The following C10orf67 variants were observed in gnomAD, a reference collection of about 807,000 sequenced individuals.
C10orf67 encodes chromosome 10 open reading frame 67, also known as uncharacterized protein C10orf67, mitochondrial.
A neutral mutation model predicts 35.6 loss-of-function variants in C10orf67; 60 were observed. That is an observed-to-expected ratio of 1.68 (90% CI 1.37 to 2.09). The LOEUF (loss-of-function observed/expected upper bound fraction) is 2.09, where lower values mean the gene tolerates loss of function less well. Ranked by LOEUF, C10orf67 falls within the 30% of genes most tolerant of loss-of-function variation. The pLI is 0.00. For missense variants in C10orf67, 474 were observed against 330.2 expected, an observed-to-expected ratio of 1.44 and a Z score of -3.38; for synonymous variants, 167 against 115.8, an observed-to-expected ratio of 1.44 and a Z score of -2.84.
intron 12 of C10orf67, among the ~76,000 whole-genome samples, chr10:23,244,392 T>C (rs1400949632): frequency 2.6e-5 from 4 of 152,134 alleles, no homozygotes; most frequent in Non-Finnish European, 1.5e-5. Flanking sequence ...GGCTTCCTTC[T>C]TGAAATCTAG....
rs1180823094 is a variant in C10orf67, at chr10:23,267,271, C to A, written c.976-17G>T. 3 of 700,830 alleles carry A rather than the reference C, an allele frequency of 4.3e-6. No individual in the cohort carries two copies. The highest frequency in any genetic ancestry group is 2.2e-5 in the Admixed American group (1 of 45,778). 43.4% of individuals were successfully genotyped at this position (700,830 alleles called of 1,614,324 possible). On this transcript the variant is annotated splice_polypyrimidine_tract_variant and intron_variant, in intron 8 of 15. Coordinates refer to ENST00000636213, the MANE Select transcript of C10orf67 (RefSeq NM_001371909.1). Reference sequence around the variant, plus strand: ...TTTATTAATCTGTAAAATTGAAGACCCATATCATTGGTTATTATCTGCAAA... The same window carrying A: ...TTTATTAATCTGTAAAATTGAAGACACATATCATTGGTTATTATCTGCAAA...
chr10:23,207,094 T>C lies in C10orf67; in HGVS notation c.1571-2839A>G, dbSNP rs1051301530. Reference sequence around the variant, plus strand: ...ACCAATTACAGCTCACACTGCCCAGTTTACGAGAAAATGCAAAGGAGCTTG... The same window carrying C: ...ACCAATTACAGCTCACACTGCCCAGCTTACGAGAAAATGCAAAGGAGCTTG... On this transcript the variant is annotated intron_variant, in intron 15 of 15. Transcript: ENST00000636213. 2.6e-5 allele frequency among the ~76,000 whole-genome samples: 4 copies of C among 151,930 alleles called. No homozygotes were observed. In the South Asian group the frequency reaches 8.3e-4, roughly 32 times the overall value.
Position 23,303,458 on chromosome 10 carries a change from T to C in C10orf67, c.548A>G (p.Gln183Arg). 3.6e-6 allele frequency: 2 copies of C among 552,454 alleles called. No individual in the cohort carries two copies. Among genetic ancestry groups the C allele is most frequent in the Non-Finnish European group, 6.5e-6 (2 of 305,582 alleles). 34.2% of individuals were successfully genotyped at this position (552,454 alleles called of 1,614,324 possible). A position where few individuals can be genotyped will look rare whatever the true frequency, so the allele number is the denominator to read the frequency against. The change falls in exon 5 of 16, where the codon CAA becomes CGA. Residue 183 changes from glutamine to arginine, a missense_variant and splice_region_variant. By Grantham distance (43) the Gln-to-Arg change is conservative (BLOSUM62 1). Transcript: ENST00000636213. The stretch of plus-strand genomic sequence containing the variant: ...ATTCTCTTCTTCTACCTCAAAGAAT[T>C]GCTAGGGACAAAAAAAAGCAGCATT... ...AIAVIKGMYQ[Q>R]FFEVEEENVS...
chr10:23,231,795 T>C (rs1257036410), intron 13 of C10orf67, among the ~76,000 whole-genome samples: 1 of 152,188 alleles, frequency 6.6e-6, no homozygotes, highest in Non-Finnish European at 1.5e-5. Flanking sequence ...TTGTGGTATA[T>C]TCGTGTATTA....
intron 4 of C10orf67, among the ~76,000 whole-genome samples, chr10:23,310,037 A>G (rs1251033375): frequency 2.6e-5 from 4 of 152,160 alleles, no homozygotes; most frequent in Admixed American, 6.5e-5. Context: ...ATGTTTCACT[A>G]GTGTTTATGG....
At chr10:23,296,344 A>T (rs893627625) in intron 5 of C10orf67, among the ~76,000 whole-genome samples, 1 of 152,122 alleles carries the variant, frequency 6.6e-6, no homozygotes, top group African/African-American at 2.4e-5. Context: ...GCAACAGATG[A>T]TTGGCTATTT....
At chr10:23,323,320 C>T (rs1244437655) in intron 2 of C10orf67, among the ~76,000 whole-genome samples, 1 of 152,038 alleles carries the variant, frequency 6.6e-6, no homozygotes, top group African/African-American at 2.4e-5. Flanking sequence ...TTTTTATCTG[C>T]CCCCATCTAT....
chr10:23,234,644 T>C (rs376356430), intron 13 of C10orf67, among the ~76,000 whole-genome samples: 1 of 151,238 alleles, frequency 6.6e-6, no homozygotes, highest in South Asian at 2.1e-4. Flanking sequence ...TTTACCTATA[T>C]AACAAACCTG....
chr10:23,293,961 C>G (rs1390458530), intron 5 of C10orf67, among the ~76,000 whole-genome samples: 1 of 152,234 alleles, frequency 6.6e-6, no homozygotes, highest in Non-Finnish European at 1.5e-5. Context: ...CTAACGAGAT[C>G]TGCAGGTGAT....
At chr10:23,224,490 C>A (rs1841678746) in intron 13 of C10orf67, among the ~76,000 whole-genome samples, 1 of 152,216 alleles carries the variant, frequency 6.6e-6, no homozygotes. Context: ...TCCAAAGGAA[C>A]TCAGCTCCTC....
intron 13 of C10orf67, among the ~76,000 whole-genome samples, chr10:23,235,420 A>G (rs1198298593): frequency 6.6e-6 from 1 of 152,234 alleles, no homozygotes; most frequent in Non-Finnish European, 1.5e-5. Context: ...TGTTTGTAAT[A>G]CATATATCTG....
chr10:23,225,338 C>T (rs1387478164), intron 13 of C10orf67, among the ~76,000 whole-genome samples: 1 of 152,098 alleles, frequency 6.6e-6, no homozygotes, highest in Non-Finnish European at 1.5e-5. Flanking sequence ...TTGTCACCAC[C>T]AGGCCTGCCC....
chr10:23,256,039 T>C (rs760708707), intron 10 of C10orf67, among the ~76,000 whole-genome samples: 23 of 152,196 alleles, frequency 1.5e-4, no homozygotes, highest in Non-Finnish European at 2.8e-4. Flanking sequence ...GTTTGCTCCA[T>C]GGCTCAGGCT....
chr10:23,318,098 T>A, intron 4 of C10orf67: 1 of 79,748 alleles, frequency 1.3e-5, no homozygotes, highest in African/African-American at 7.8e-5. Context: ...GATCCCTGTC[T>A]CTAAAAAAAA....
intron 2 of C10orf67, among the ~76,000 whole-genome samples, chr10:23,323,930 T>G (rs1273037528): frequency 2.5e-5 from 1 of 40,212 alleles, no homozygotes; most frequent in African/African-American, 1.5e-4. Context: ...TATATATATA[T>G]ATATATATAT....
intron 4 of C10orf67, among the ~76,000 whole-genome samples, chr10:23,307,690 C>T (rs1460276523): frequency 1.3e-5 from 2 of 151,250 alleles, no homozygotes; most frequent in East Asian, 1.9e-4. Context: ...CTGCAACCTC[C>T]GCTTTCTGGG....
chr10:23,231,041 C>CT (rs1478674228), intron 13 of C10orf67, among the ~76,000 whole-genome samples: 1 of 152,110 alleles, frequency 6.6e-6, no homozygotes, highest in Admixed American at 6.5e-5. Flanking sequence ...TCATGGCTCA[C>CT]TGTGGGCTTG....
intron 10 of C10orf67, among the ~76,000 whole-genome samples, chr10:23,264,212 A>C (rs973774148): frequency 2.6e-5 from 4 of 152,224 alleles, no homozygotes; most frequent in Non-Finnish European, 4.4e-5. Flanking sequence ...TATATACGGT[A>C]AAGAATAAAC....
chr10:23,319,533 T>C (rs1417503544), intron 4 of C10orf67, among the ~76,000 whole-genome samples: 3 of 152,204 alleles, frequency 2.0e-5, no homozygotes, highest in African/African-American at 7.2e-5. Context: ...AGCAAAGGGA[T>C]TGCTTGGTCA....
Sources: allele counts gnomAD v4.1 joint callset (sites outside exome capture counted in the v4.1 genomes callset), GRCh38; gene constraint gnomAD v4.1.1; transcripts MANE v1.5; gene names NCBI Gene and HGNC (gene_info 2026-07-23, HGNC 2026-07-21).